The following SCAF11 variants were observed in gnomAD, a reference collection of about 807,000 sequenced individuals.
SCAF11 encodes the protein protein SCAF11.
Under a neutral mutation model 140.5 loss-of-function variants are expected in SCAF11, and 47 were observed. The observed-to-expected ratio is 0.33, with a 90% confidence interval of 0.26 to 0.43. The LOEUF (loss-of-function observed/expected upper bound fraction) is 0.43, where lower values mean the gene tolerates loss of function less well. Ranked by LOEUF, SCAF11 falls within the 20% of genes least tolerant of loss-of-function variation. The pLI is 1.00. For missense variants in SCAF11, 1,645 were observed against 1,705.1 expected (o/e 0.96, Z 0.62); for synonymous variants, 557 against 579.4 (o/e 0.96, Z 0.55).
rs1565659384 is a variant in SCAF11, at chr12:45,927,259, G to C, written c.2442C>G (p.Pro814=). 6.2e-7 allele frequency: 1 copy of C among 1,613,842 alleles called. No individual in the cohort carries two copies. The highest frequency in any genetic ancestry group is 8.5e-7 in the Non-Finnish European group (1 of 1,179,956). Residue 814 remains proline (P), a synonymous_variant, in exon 11 of 15, where the codon CCC becomes CCG. Coordinates refer to ENST00000369367, the MANE Select transcript of SCAF11 (RefSeq NM_004719.3). Reference sequence around the variant, plus strand: ...TTTCTCTTCTGGGAGATGGAGACTGGGGCCGCTTCTTTTCTTGTGGAGTGT... The same window carrying C: ...TTTCTCTTCTGGGAGATGGAGACTGCGGCCGCTTCTTTTCTTGTGGAGTGT... ...NKDTPQEKKR[P]QSPSPRRETG...
intron 1 of SCAF11, among the ~76,000 whole-genome samples, chr12:45,982,312 CATT>C (rs747373282): frequency 6.6e-6 from 1 of 152,096 alleles, no homozygotes; most frequent in Non-Finnish European, 1.5e-5. Context: ...TTTTTTGAGT[CATT>C]AATATTTATT....
At chr12:45,955,991 A>C in intron 3 of SCAF11, 5 of 653,512 alleles carry the variant, frequency 7.7e-6, no homozygotes, top group Non-Finnish European at 1.4e-5. Context: ...TTTGATAGAA[A>C]AAAATAATCT....
chr12:45,937,303 C>A (rs1555167205), intron 6 of SCAF11, among the ~76,000 whole-genome samples: 1 of 152,076 alleles, frequency 6.6e-6, no homozygotes, highest in Non-Finnish European at 1.5e-5. Context: ...ATATTTTTAA[C>A]TTCTGAAAGC....
At chr12:45,987,628 G>C (rs749981627) in intron 1 of SCAF11, among the ~76,000 whole-genome samples, 1 of 152,212 alleles carries the variant, frequency 6.6e-6, no homozygotes, top group Non-Finnish European at 1.5e-5. Flanking sequence ...ACAGTAGTTA[G>C]AGAAGACCAC....
chr12:45,957,613 G>A (rs1029521709), intron 3 of SCAF11, among the ~76,000 whole-genome samples: 1 of 151,990 alleles, frequency 6.6e-6, no homozygotes, highest in African/African-American at 2.4e-5. Context: ...CAAAATGGGT[G>A]ATTTTGTATA....
At chr12:45,973,204 TA>T (rs1245035944) in intron 1 of SCAF11, among the ~76,000 whole-genome samples, 1 of 145,502 alleles carries the variant, frequency 6.9e-6, no homozygotes, top group African/African-American at 2.6e-5. Context: ...AGAATGGAAA[TA>T]AAAGAGTAAA....
chr12:45,936,291 A>C (rs186766371), intron 6 of SCAF11, among the ~76,000 whole-genome samples: 249 of 151,852 alleles, frequency 1.6e-3, no homozygotes, highest in African/African-American at 5.6e-3. Context: ...ACAGGCGCAC[A>C]CCACCACGCC....
rs1485888834 is a variant in SCAF11 at position 45,920,962 on chromosome 12, ATTTCTACAAAGTCAACACTTTTTTT to A, written c.*1061_*1085del. 1.3e-5 allele frequency: 2 copies of A among 152,042 alleles called. No individual in the cohort carries two copies. Among genetic ancestry groups the A allele is most frequent in the African/African-American group, 4.8e-5 (2 of 41,402 alleles). 9.4% of individuals were successfully genotyped at this position (152,042 alleles called of 1,614,324 possible). ...GAAGAAGATACTATGAAAGAACATA[ATTTCTACAAAGTCAACACTTTTTTT>A]TTTCTTTTTTTTGAGACGGAGATTT... On this transcript the variant is annotated 3_prime_UTR_variant, in exon 15 of 15. Transcript: ENST00000369367.
At chr12:45,965,756 T>C (rs1945930881) in intron 1 of SCAF11, among the ~76,000 whole-genome samples, 1 of 152,252 alleles carries the variant, frequency 6.6e-6, no homozygotes, top group South Asian at 2.1e-4. Flanking sequence ...AATGGGTTTT[T>C]CTATTAATTT....
intron 1 of SCAF11, among the ~76,000 whole-genome samples, chr12:45,985,462 T>A (rs1031058076): frequency 2.0e-5 from 3 of 152,142 alleles, no homozygotes; most frequent in African/African-American, 7.2e-5. Context: ...TCTAGTACCT[T>A]AATCTGATCT....
chr12:45,974,981 C>T (rs573428819), intron 1 of SCAF11: 1 of 152,344 alleles, frequency 6.6e-6, no homozygotes, highest in East Asian at 1.9e-4. Flanking sequence ...TGTTAGCAGG[C>T]ATGGCAACAT....
intron 6 of SCAF11, among the ~76,000 whole-genome samples, chr12:45,944,019 A>T (rs1945365938): frequency 1.3e-5 from 2 of 152,198 alleles, no homozygotes; most frequent in South Asian, 4.1e-4. Context: ...ACCTTCTAAA[A>T]ATGAGCCCAG....
intron 3 of SCAF11, chr12:45,961,226 TC>T: frequency 1.5e-6 from 1 of 680,676 alleles, no homozygotes; most frequent in Non-Finnish European, 2.7e-6. Context: ...AATCCAAGTT[TC>T]CTCATCTGTA....
intron 3 of SCAF11, chr12:45,955,111 A>G (rs1239013322): frequency 6.6e-6 from 1 of 152,164 alleles, no homozygotes; most frequent in Non-Finnish European, 1.5e-5. Flanking sequence ...CCTAAAGATA[A>G]TTTAGTTAAC....
At chr12:45,938,137 T>C (rs1419731636) in intron 6 of SCAF11, among the ~76,000 whole-genome samples, 1 of 152,208 alleles carries the variant, frequency 6.6e-6, no homozygotes, top group Admixed American at 6.5e-5. Context: ...TGGACACTTA[T>C]GTGCTGTCCC....
At position 45,924,765 on chromosome 12, in the gene SCAF11, T is replaced by C. The variant is rs763244633; in HGVS notation, c.3869A>G (p.Asn1290Ser). 9 of 1,612,672 alleles carry C rather than the reference T, an allele frequency of 5.6e-6. No individual in the cohort carries two copies. Among genetic ancestry groups the C allele is most frequent in the Middle Eastern group, 1.6e-4 (1 of 6,080 alleles). The change falls in exon 12 of 15, where the codon AAC (asparagine) becomes AGC (serine). Residue 1290 changes from asparagine to serine, a missense_variant. Asn to Ser is a conservative substitution (Grantham distance 46). Transcript: ENST00000369367. Reference sequence around the variant, plus strand: ...TCCATCTGGTTGTGAAGCAATGTAGTTGACTTGTTGGGATGGTGGGGGAGG... The same window carrying C: ...TCCATCTGGTTGTGAAGCAATGTAGCTGACTTGTTGGGATGGTGGGGGAGG... ...PPPPPPSQQVNYIASQPDGKQ... is the reference protein window; with the variant it reads ...PPPPPPSQQVSYIASQPDGKQ...
chr12:45,940,413 G>A (rs1299657146), intron 6 of SCAF11, among the ~76,000 whole-genome samples: 1 of 152,228 alleles, frequency 6.6e-6, no homozygotes, highest in South Asian at 2.1e-4. Context: ...ACCATAAAGT[G>A]AGAGGCTTAA....
chr12:45,986,734 T>C (rs1453426564), intron 1 of SCAF11, among the ~76,000 whole-genome samples: 2 of 152,134 alleles, frequency 1.3e-5, no homozygotes, highest in African/African-American at 4.8e-5. Flanking sequence ...ATGGGGGCAG[T>C]TTCCCCCATA....
chr12:45,961,364 G>C (rs1269589184), intron 3 of SCAF11: 2 of 714,396 alleles, frequency 2.8e-6, no homozygotes, highest in Admixed American at 2.0e-5. Context: ...GGTGTTATTA[G>C]TGGTAAACAG....
Sources: gnomAD v4.1 joint callset for allele counts (sites outside exome capture counted in the v4.1 genomes callset) on GRCh38, gnomAD v4.1.1 for gene constraint, MANE v1.5 for transcripts, NCBI Gene and HGNC (gene_info 2026-07-23, HGNC 2026-07-21) for gene names.